Variants in MYO5A observed in about 807,000 individuals in gnomAD.
The protein encoded by MYO5A is unconventional myosin-Va.
In MYO5A, 98 loss-of-function variants were observed where a neutral mutation model predicts 249.7. That is an observed-to-expected ratio of 0.39 (90% confidence interval 0.33 to 0.46). MYO5A has a LOEUF of 0.46. Among genes scored for constraint, MYO5A ranks in the 20% least tolerant of loss-of-function variants. The pLI, the probability that MYO5A is intolerant of heterozygous loss-of-function variation, is 0.98. For synonymous variants in MYO5A, 778 were observed against 810.6 expected (o/e 0.96, Z 0.68); for missense variants, 1,696 against 2,308.8 (o/e 0.73, Z 5.44).
intron 35 of MYO5A, among the ~76,000 whole-genome samples, chr15:52,329,586 C>T (rs564288200): frequency 9.2e-5 from 14 of 152,170 alleles, no homozygotes; most frequent in Non-Finnish European, 5.9e-5. Flanking sequence ...AGAATCTTTT[C>T]CTTTTTTTGT....
At chr15:52,433,115 T>C (rs375217199) in intron 2 of MYO5A, 60 bp downstream of exon 2, 15 of 1,241,862 alleles carry the variant, frequency 1.2e-5, no homozygotes, top group East Asian at 1.2e-4. Context: ...CACAGTAAAT[T>C]TACACTTTTG....
At chr15:52,454,546 A>C (rs1033673633) in intron 1 of MYO5A, among the ~76,000 whole-genome samples, 1 of 152,178 alleles carries the variant, frequency 6.6e-6, no homozygotes, top group Non-Finnish European at 1.5e-5. Context: ...TTTGCAGAAG[A>C]GTACACATTC....
At chr15:52,355,613 A>G (rs1333109020) in intron 25 of MYO5A, among the ~76,000 whole-genome samples, 3 of 152,218 alleles carry the variant, frequency 2.0e-5, no homozygotes, top group East Asian at 3.8e-4. Context: ...GGGTATTACA[A>G]TATTCTATAT....
At chr15:52,519,799 C>G (rs902067677) in intron 1 of MYO5A, among the ~76,000 whole-genome samples, 1 of 151,832 alleles carries the variant, frequency 6.6e-6, no homozygotes, top group Admixed American at 6.6e-5. Flanking sequence ...GGCACGATCT[C>G]AACTCACTGG....
At chr15:52,440,573 G>C (rs915742404) in intron 1 of MYO5A, among the ~76,000 whole-genome samples, 14 of 152,282 alleles carry the variant, frequency 9.2e-5, no homozygotes, top group African/African-American at 3.4e-4. Flanking sequence ...TGGCCCACCA[G>C]TCATCTTTCT....
At chr15:52,494,053 G>A (rs995283682) in intron 1 of MYO5A, among the ~76,000 whole-genome samples, 3 of 152,120 alleles carry the variant, frequency 2.0e-5, no homozygotes, top group African/African-American at 7.2e-5. Flanking sequence ...CTGAGATGTC[G>A]ACCTGTAATA....
In MYO5A at chr15:52,505,946, G is replaced by C. The variant is rs1411542987; in HGVS notation, c.27+22834C>G. ...TTCAGACTCTTGGCTGGGCGCAGTGGCTCATACCTGTAATCCCATCACTTT... is the reference window on the plus strand; with the variant it reads ...TTCAGACTCTTGGCTGGGCGCAGTGCCTCATACCTGTAATCCCATCACTTT... On this transcript the variant is annotated intron_variant, in intron 1 of 41. Transcript: ENST00000399233. 1.5e-5 allele frequency: 18 copies of C among 1,210,346 alleles called. No individual in the cohort carries two copies. The Admixed American group carries it at 2.8e-4, about 19-fold the overall frequency. The allele number at this position is 1,210,346 out of a possible 1,614,324, so 75.0% of individuals were successfully genotyped here. A position where few individuals can be genotyped will look rare whatever the true frequency, so the allele number is the denominator to read the frequency against.
chr15:52,405,591 T>C (rs1294371075), intron 8 of MYO5A, among the ~76,000 whole-genome samples, 198 bp from the exon 9 acceptor site: 1 of 152,246 alleles, frequency 6.6e-6, no homozygotes, highest in Non-Finnish European at 1.5e-5. Context: ...ATGGATAACA[T>C]GGCTGCTGAC....
chr15:52,482,745 G>A (rs139819521), intron 1 of MYO5A, among the ~76,000 whole-genome samples: 18 of 151,956 alleles, frequency 1.2e-4, no homozygotes, highest in African/African-American at 1.9e-4. Flanking sequence ...AAGTGAATCC[G>A]GTCCATTAGT....
chr15:52,403,841 T>C (rs1227104423), intron 9 of MYO5A, among the ~76,000 whole-genome samples: 1 of 152,164 alleles, frequency 6.6e-6, no homozygotes, highest in Non-Finnish European at 1.5e-5. Context: ...GAATCATGCA[T>C]CTAAAATTAG....
In MYO5A at chr15:52,329,905, A is replaced by ATTTTTTTT. The variant is rs58058940; in HGVS notation, c.4555+440_4555+447dup. ...AGGCATGTACCACCTCGCCTGGGTA[A>ATTTTTTTT]TTTTTTTTTTTTTTTTTTTTTTTTT... On this transcript the variant is annotated intron_variant, in intron 35 of 41. Transcript: ENST00000399233. 2.7e-3 allele frequency among the ~76,000 whole-genome samples: 323 copies of ATTTTTTTT among 119,574 alleles called. 7 individuals are homozygous for ATTTTTTTT. Among genetic ancestry groups the ATTTTTTTT allele is most frequent in the Non-Finnish European group, 3.2e-3 (195 of 61,786 alleles). The allele number at this position is 119,574 out of a possible 152,430, so 78.4% of individuals were successfully genotyped here. A position where few individuals can be genotyped will look rare whatever the true frequency, so the allele number is the denominator to read the frequency against.
At chr15:52,323,305 A>C in intron 37 of MYO5A, 50 bp downstream of exon 37, 1 of 1,510,672 alleles carries the variant, frequency 6.6e-7, no homozygotes, top group Non-Finnish European at 9.2e-7. Context: ...TTTCCTTAAA[A>C]AGGTCAGAGA....
intron 31 of MYO5A, 51 bp downstream of exon 31, chr15:52,343,066 T>C (rs1334921312): frequency 6.8e-7 from 1 of 1,480,800 alleles, no homozygotes; most frequent in Non-Finnish European, 9.4e-7. Flanking sequence ...TCACTGTTAG[T>C]AAGAAAAACA....
intron 1 of MYO5A, among the ~76,000 whole-genome samples, chr15:52,443,577 G>C (rs1214196528): frequency 6.6e-6 from 1 of 151,814 alleles, no homozygotes; most frequent in Non-Finnish European, 1.5e-5. Context: ...TGGGCATGGT[G>C]GTGGGTGCCT....
Position 52,392,015 on chromosome 15 carries a change from A to C in MYO5A, c.1457T>G (p.Leu486Arg). The change falls in exon 12 of 42, where the codon CTC (leucine) becomes CGC (arginine). Residue 486 changes from leucine to arginine, a missense_variant. Transcript: ENST00000399233. The part of the protein sequence containing the change: ...EYMKEQIPWT[L>R]IDFYDNQPCI... ...AGGCTGATTATCATAAAAATCTATG[A>C]GTGTCCATGGAATTTGTTCCTTCAT... 1 of 1,611,362 alleles carries C rather than the reference A, an allele frequency of 6.2e-7. No homozygotes were observed. The highest frequency in any genetic ancestry group is 2.2e-5 in the East Asian group (1 of 44,786).
intron 1 of MYO5A, among the ~76,000 whole-genome samples, chr15:52,464,523 G>T (rs1255598479): frequency 2.0e-5 from 3 of 152,342 alleles, no homozygotes; most frequent in African/African-American, 4.8e-5. Flanking sequence ...GGTTATGTGG[G>T]ATTCTTTGTG....
At chr15:52,436,183 G>A (rs78704701) in intron 1 of MYO5A, among the ~76,000 whole-genome samples, 22,441 of 152,192 alleles carry the variant, frequency 0.15, 1,782 homozygotes, top group Middle Eastern at 0.22. Context: ...CTCCCACCTT[G>A]GCCTCCCAAA....
At chr15:52,369,088 T>A (rs912366405) in intron 22 of MYO5A, among the ~76,000 whole-genome samples, 2 of 152,352 alleles carry the variant, frequency 1.3e-5, no homozygotes, top group South Asian at 2.1e-4. Flanking sequence ...TTGGCACTGC[T>A]GTTTCTATAT....
At chr15:52,489,879 GAA>G (rs2076901200) in intron 1 of MYO5A, among the ~76,000 whole-genome samples, 2 of 152,088 alleles carry the variant, frequency 1.3e-5, no homozygotes, top group Admixed American at 6.6e-5. Flanking sequence ...CAACAATGAT[GAA>G]CAACCTGATT....
Sources: allele counts gnomAD v4.1 joint callset (sites outside exome capture counted in the v4.1 genomes callset), GRCh38; gene constraint gnomAD v4.1.1; transcripts MANE v1.5; gene names NCBI Gene and HGNC (gene_info 2026-07-23, HGNC 2026-07-21).